SUPT3H: variants seen among roughly 807,000 people sequenced by gnomAD.
The protein encoded by SUPT3H is transcription initiation protein SPT3 homolog.
In SUPT3H, 44 loss-of-function variants were observed where a neutral mutation model predicts 44.3. The ratio of observed to expected loss-of-function variants is 0.99; its 90% CI spans 0.78 to 1.28. The LOEUF (loss-of-function observed/expected upper bound fraction) is 1.28, where lower values mean the gene tolerates loss of function less well. Among genes scored for constraint, SUPT3H ranks in the 50% most tolerant of loss-of-function variants. The probability of loss-of-function intolerance (pLI) is 0.00; values close to 1 mark genes in which losing one functional copy is unlikely to be tolerated. For missense variants in SUPT3H, 380 were observed against 387.1 expected (o/e 0.98, Z 0.15); for synonymous variants, 124 against 125.6 (o/e 0.99, Z 0.09).
chr6:45,141,439 T>A (rs938938169), intron 2 of SUPT3H, among the ~76,000 whole-genome samples: 11 of 148,172 alleles, frequency 7.4e-5, no homozygotes, highest in Non-Finnish European at 1.0e-4. Context: ...CTTAAATAAG[T>A]TTTTTTTAAA....
chr6:44,978,574 A>G (rs1395592996), intron 6 of SUPT3H, among the ~76,000 whole-genome samples: 2 of 152,234 alleles, frequency 1.3e-5, no homozygotes, highest in African/African-American at 4.8e-5. Context: ...TTGCTAAACA[A>G]TGAGAATATG....
chr6:45,111,574 A>G (rs958476446), intron 2 of SUPT3H, among the ~76,000 whole-genome samples: 8 of 132,414 alleles, frequency 6.0e-5, no homozygotes, highest in Non-Finnish European at 1.1e-4. Flanking sequence ...TTCATTTGTT[A>G]AGGGAATGAA....
At chr6:44,923,337 T>C (rs1769020407) in intron 10 of SUPT3H, among the ~76,000 whole-genome samples, 1 of 152,140 alleles carries the variant, frequency 6.6e-6, no homozygotes. Flanking sequence ...CTAGGATTCT[T>C]TGGAGTATTC....
intron 3 of SUPT3H, among the ~76,000 whole-genome samples, chr6:45,029,343 GTATA>G (rs140292645): frequency 1.1e-3 from 159 of 146,376 alleles, no homozygotes; most frequent in South Asian, 7.3e-3. Context: ...ATTTGTATGT[GTATA>G]TATATATATA....
At chr6:44,995,603 G>A (rs545326290) in intron 6 of SUPT3H, among the ~76,000 whole-genome samples, 62 of 152,064 alleles carry the variant, frequency 4.1e-4, no homozygotes, top group Middle Eastern at 3.4e-3. Flanking sequence ...TGCACAACAT[G>A]CATTTACTTG....
intron 10 of SUPT3H, among the ~76,000 whole-genome samples, chr6:44,882,695 G>A (rs987652545): frequency 2.6e-5 from 4 of 152,274 alleles, no homozygotes; most frequent in East Asian, 1.9e-4. Flanking sequence ...CCACGATCAC[G>A]TTGGCTTCAT....
chr6:45,214,535 G>C (rs1397403438), intron 2 of SUPT3H, among the ~76,000 whole-genome samples: 1 of 152,106 alleles, frequency 6.6e-6, no homozygotes, highest in African/African-American at 2.4e-5. Context: ...GGATCATAAA[G>C]TACAGACAAT....
At chr6:45,065,351 G>C (rs1793073876) in intron 3 of SUPT3H, among the ~76,000 whole-genome samples, 1 of 136,138 alleles carries the variant, frequency 7.3e-6, no homozygotes, top group Non-Finnish European at 1.6e-5. Flanking sequence ...GCCCACAAGA[G>C]AAAGCAGGAA....
intron 2 of SUPT3H, among the ~76,000 whole-genome samples, chr6:45,176,435 G>A (rs1811883374): frequency 6.6e-6 from 1 of 152,124 alleles, no homozygotes; most frequent in African/African-American, 2.4e-5. Flanking sequence ...CGCCCACGGA[G>A]TCTCCCTGAT....
chr6:45,191,677 T>TA lies in SUPT3H; in HGVS notation c.102-85672dup, dbSNP rs11321900. ...ATTCTTCTGTAAACATTAACTGCTC[T>TA]AAAAAATACAGTCTACAAAAATAAG... On this transcript the variant is annotated intron_variant, in intron 2 of 10. Transcript: ENST00000371459. Among the ~76,000 whole-genome samples, 5 of 151,792 alleles carry TA rather than the reference T, an allele frequency of 3.3e-5. No homozygotes were observed. In the South Asian group the frequency reaches 6.2e-4, roughly 19 times the overall value.
chr6:44,955,932 A>G (rs1775075787), intron 7 of SUPT3H, among the ~76,000 whole-genome samples: 1 of 151,404 alleles, frequency 6.6e-6, no homozygotes, highest in Admixed American at 6.6e-5. Context: ...CATCCTGGCT[A>G]ATATGGTGAA....
At chr6:45,307,310 AGACT>A (rs1783193404) in intron 2 of SUPT3H, among the ~76,000 whole-genome samples, 1 of 152,226 alleles carries the variant, frequency 6.6e-6, no homozygotes, top group South Asian at 2.1e-4. Flanking sequence ...GAGAACAGAC[AGACT>A]GCCTCCTCAA....
At chr6:45,242,748 G>A (rs1476645982) in intron 2 of SUPT3H, among the ~76,000 whole-genome samples, 2 of 152,108 alleles carry the variant, frequency 1.3e-5, no homozygotes, top group African/African-American at 2.4e-5. Context: ...AATCTAGAAA[G>A]TCAAAAACAT....
intron 3 of SUPT3H, among the ~76,000 whole-genome samples, chr6:45,092,481 T>C (rs1320867672): frequency 6.6e-6 from 1 of 152,156 alleles, no homozygotes; most frequent in Non-Finnish European, 1.5e-5. Context: ...CCGGGTGCGG[T>C]GGCTCACACC....
intron 2 of SUPT3H, among the ~76,000 whole-genome samples, chr6:45,160,376 A>C (rs1298393212): frequency 6.6e-6 from 1 of 152,182 alleles, no homozygotes; most frequent in Non-Finnish European, 1.5e-5. Flanking sequence ...TAAATGCATG[A>C]CCAAATGTTT....
At chr6:45,086,901 A>G (rs1314819423) in intron 3 of SUPT3H, among the ~76,000 whole-genome samples, 1 of 151,966 alleles carries the variant, frequency 6.6e-6, no homozygotes, top group East Asian at 1.9e-4. Context: ...AAACGGAAAA[A>G]TATTTTTAAA....
At position 44,941,993 on chromosome 6, in the gene SUPT3H, T is replaced by C. The variant is rs1402597; in HGVS notation, c.802-9230A>G. Reference sequence around the variant, plus strand: ...GTTCAAATTCAAGAGAATACAGACATAGACTGGGATAATACTTTCCTCAGG... The same window carrying C: ...GTTCAAATTCAAGAGAATACAGACACAGACTGGGATAATACTTTCCTCAGG... On this transcript the variant is annotated intron_variant, in intron 9 of 10. Transcript: ENST00000371459. Among the ~76,000 whole-genome samples, 8 of 152,074 alleles carry C rather than the reference T, an allele frequency of 5.3e-5. No individual in the cohort carries two copies. In the South Asian group the frequency reaches 1.4e-3, roughly 28 times the overall value.
chr6:45,161,728 A>G (rs985309981), intron 2 of SUPT3H, among the ~76,000 whole-genome samples: 1 of 152,130 alleles, frequency 6.6e-6, no homozygotes, highest in African/African-American at 2.4e-5. Context: ...CTGACACCCA[A>G]TAAACATTTG....
chr6:45,302,207 C>A (rs1349179441), intron 2 of SUPT3H, among the ~76,000 whole-genome samples: 1 of 151,964 alleles, frequency 6.6e-6, no homozygotes, highest in African/African-American at 2.4e-5. Flanking sequence ...TCCCATCATG[C>A]AAGCAGTATA....
Sources: gnomAD v4.1 joint callset for allele counts (sites outside exome capture counted in the v4.1 genomes callset) on GRCh38, gnomAD v4.1.1 for gene constraint, MANE v1.5 for transcripts, NCBI Gene and HGNC (gene_info 2026-07-23, HGNC 2026-07-21) for gene names.